The following PHKA2 variants were observed in gnomAD, a reference collection of about 807,000 sequenced individuals.
PHKA2 encodes the protein phosphorylase b kinase regulatory subunit alpha, liver isoform.
PHKA2 carries 31 observed loss-of-function variants against 102.0 expected under a neutral mutation model. The ratio of observed to expected loss-of-function variants is 0.30; its 90% CI spans 0.23 to 0.41. PHKA2 has a LOEUF of 0.41. PHKA2 is among the 10% of genes least tolerant of loss of function. PHKA2 has a pLI of 1.00. For synonymous variants in PHKA2, 455 were observed against 416.2 expected (o/e 1.09, Z -1.13); for missense variants, 858 against 1,023.1 (o/e 0.84, Z 2.20).
intron 1 of PHKA2, 47 bp downstream of exon 1, chrX:18,983,799 AATGAGTTAC>A (rs1380517894): frequency 2.0e-6 from 2 of 988,181 alleles, no homozygotes; most frequent in Non-Finnish European, 2.9e-6. Context: ...TGGGAAGGAG[AATGAGTTAC>A]ATGAGAGGGT....
chrX:18,917,821 A>G (rs750323642), intron 19 of PHKA2, among the ~76,000 whole-genome samples: 3 of 110,720 alleles, frequency 2.7e-5, no homozygotes, highest in South Asian at 7.7e-4. Context: ...AGCACCTCAG[A>G]CACTGAGGGC....
At position 18,950,975 on chromosome X, in the gene PHKA2, T is replaced by C. The variant is rs948864756; in HGVS notation, c.454+129A>G. 3 of 662,881 alleles carry C rather than the reference T, an allele frequency of 4.5e-6. No individual in the cohort carries two copies. In the African/African-American group the frequency reaches 6.5e-5, roughly 14 times the overall value. 54.6% of individuals were successfully genotyped at this position (662,881 alleles called of 1,213,427 possible). On this transcript the variant is annotated intron_variant, in intron 4 of 32. Coordinates refer to ENST00000379942, the MANE Select transcript of PHKA2 (RefSeq NM_000292.3). ...CATTTCGGTTCTGTATAAATGGCCT[T>C]GTCTGAGGTATTTTATTAAAGCAGT...
Position 18,983,962 on chromosome X carries a change from G to A in PHKA2, c.-30C>T. On this transcript the variant is annotated 5_prime_UTR_variant, in exon 1 of 33. Coordinates refer to ENST00000379942, the MANE Select transcript of PHKA2 (RefSeq NM_000292.3). Reference sequence around the variant, plus strand: ...CCGAGGCTCCCAGGCCGCAGCGCCCGATCTGCCGCGTGGGCGCGGGACGTC... The same window carrying A: ...CCGAGGCTCCCAGGCCGCAGCGCCCAATCTGCCGCGTGGGCGCGGGACGTC... 1 of 1,157,400 alleles carries A rather than the reference G, an allele frequency of 8.6e-7. No individual in the cohort carries two copies.
intron 13 of PHKA2, among the ~76,000 whole-genome samples, chrX:18,927,153 C>T (rs958971177): frequency 4.5e-5 from 5 of 111,600 alleles, no homozygotes; most frequent in African/African-American, 1.6e-4. Context: ...TCAGAACCCC[C>T]GCACAGGGCC....
intron 1 of PHKA2, among the ~76,000 whole-genome samples, chrX:18,964,167 A>T (rs1417768652): frequency 9.0e-6 from 1 of 110,914 alleles, no homozygotes; most frequent in Non-Finnish European, 1.9e-5. Flanking sequence ...GCCCCCAAGA[A>T]AACCTGAATT....
Position 18,951,156 on chromosome X carries a change from C to T in PHKA2, c.402G>A (p.Gln134=). 1.7e-6 allele frequency: 2 copies of T among 1,211,941 alleles called. No homozygotes were observed. Among genetic ancestry groups the T allele is most frequent in the Admixed American group, 4.3e-5 (2 of 46,081 alleles). The change falls in exon 4 of 33, where the codon CAG becomes CAA. Residue 134 remains glutamine (Q), a synonymous_variant. Transcript: ENST00000379942. The part of the protein sequence containing the change: ...VVGDDQWGHL[Q]VDATSLFLLF... ...GGAGGAAGAGAGAGGTGGCATCCAC[C>T]TGGAGGTGGCCCCACTGGTCGTCGC...
At chrX:18,940,735 G>A (rs763679025) in intron 8 of PHKA2, among the ~76,000 whole-genome samples, 21 of 111,852 alleles carry the variant, frequency 1.9e-4, no homozygotes, top group Non-Finnish European at 3.2e-4. Flanking sequence ...TCTCGCGAGG[G>A]TCATGGAGGC....
intron 1 of PHKA2, among the ~76,000 whole-genome samples, chrX:18,981,888 A>G (rs1024990176): frequency 2.7e-5 from 3 of 110,802 alleles, no homozygotes; most frequent in African/African-American, 9.9e-5. Flanking sequence ...TCCTCACTTT[A>G]CAGATGAGGG....
intron 2 of PHKA2, 75 bp downstream of exon 2, chrX:18,954,179 C>T: frequency 1.9e-6 from 2 of 1,047,947 alleles, no homozygotes; most frequent in Non-Finnish European, 2.7e-6. Flanking sequence ...GCACACACAG[C>T]TACTTCTCTG....
intron 26 of PHKA2, 74 bp downstream of exon 26, chrX:18,905,684 A>G: frequency 1.5e-6 from 1 of 683,864 alleles, no homozygotes; most frequent in East Asian, 3.2e-5. Flanking sequence ...TATGCCCCAC[A>G]GTGCTGGTTC....
Position 18,902,560 on chromosome X carries a change from G to A in PHKA2, c.2909-957C>T, listed in dbSNP as rs186106738. Among the ~76,000 whole-genome samples, 648 of 95,327 alleles carry A rather than the reference G, an allele frequency of 6.8e-3. 3 individuals are homozygous for A. The highest frequency in any genetic ancestry group is 0.024 in the African/African-American group (612 of 25,842). The allele number at this position is 95,327 out of a possible 115,157, so 82.8% of individuals were successfully genotyped here. On this transcript the variant is annotated intron_variant, in intron 26 of 32. Transcript: ENST00000379942. ...GCAGATCACCTGAGGCCGGGATTTCGAGACCAGCCTGACCAACATGGAAAA... is the reference window on the plus strand; with the variant it reads ...GCAGATCACCTGAGGCCGGGATTTCAAGACCAGCCTGACCAACATGGAAAA...
intron 1 of PHKA2, among the ~76,000 whole-genome samples, chrX:18,978,065 G>A (rs2049115076): frequency 9.0e-6 from 1 of 111,079 alleles, no homozygotes; most frequent in Non-Finnish European, 1.9e-5. Context: ...GCTGAGGCAG[G>A]AGAATTGCTT....
At chrX:18,975,080 A>G (rs1044603718) in intron 1 of PHKA2, among the ~76,000 whole-genome samples, 26 of 109,150 alleles carry the variant, frequency 2.4e-4, no homozygotes, top group African/African-American at 8.4e-4. Flanking sequence ...TCTAGCCCAG[A>G]CCTCTCCCCT....
chrX:18,924,075 C>T lies in PHKA2; in HGVS notation c.1774G>A (p.Gly592Arg). ...AATTACCTGGCTCCTCCAAAATATC[C>T]ATCCTCTAGTTTTCTAATTGTGGAG... The part of the protein sequence containing the change: ...VLSTIRKLED[G>R]YFGGARVKLG... Residue 592 changes from glycine (G) to arginine (R), a missense_variant, in exon 17 of 33, where the codon GGA becomes AGA. Physicochemically the swap from Gly to Arg is moderately radical, Grantham distance 125 (BLOSUM62 -2). Around this residue, in one of 2 missense-constraint regions of PHKA2, gnomAD observed 671 missense variants for 745.2 expected, o/e 0.90. Coordinates refer to ENST00000379942, the MANE Select transcript of PHKA2 (RefSeq NM_000292.3). 8.3e-7 allele frequency: 1 copy of T among 1,200,680 alleles called. No homozygotes were observed. Among genetic ancestry groups the T allele is most frequent in the Non-Finnish European group, 1.1e-6 (1 of 885,286 alleles).
rs1299004352 is a variant in PHKA2 at position 18,983,746 on chromosome X, A to G, written c.78+109T>C. On this transcript the variant is annotated intron_variant, in intron 1 of 32. Coordinates refer to ENST00000379942, the MANE Select transcript of PHKA2 (RefSeq NM_000292.3). ...CTAGCAAGGACTAGATTCAAATAGC[A>G]AACTCTTAATTGCAAGGTCTCAGGT... 1.0e-5 allele frequency: 7 copies of G among 672,492 alleles called. No individual in the cohort carries two copies. The Admixed American group carries it at 1.6e-4, about 15-fold the overall frequency. 55.4% of individuals were successfully genotyped at this position (672,492 alleles called of 1,213,427 possible). A position where few individuals can be genotyped will look rare whatever the true frequency, so the allele number is the denominator to read the frequency against.
At chrX:18,939,616 T>C (rs1334413252) in intron 9 of PHKA2, among the ~76,000 whole-genome samples, 4 of 112,101 alleles carry the variant, frequency 3.6e-5, no homozygotes, top group Admixed American at 2.8e-4. Context: ...GCCTCAGCCT[T>C]CTGAGTAGCT....
chrX:18,977,030 G>T (rs2049098939), intron 1 of PHKA2, among the ~76,000 whole-genome samples: 1 of 111,721 alleles, frequency 9.0e-6, no homozygotes, highest in Admixed American at 9.5e-5. Context: ...ATACATGTAA[G>T]GATATAAATT....
chrX:18,905,159 C>T (rs1601708048), intron 26 of PHKA2, among the ~76,000 whole-genome samples: 1 of 111,535 alleles, frequency 9.0e-6, no homozygotes, highest in East Asian at 2.9e-4. Context: ...CCCTGGCATT[C>T]GGGGTCCCCC....
intron 1 of PHKA2, 65 bp downstream of exon 1, chrX:18,983,790 G>T: frequency 1.1e-6 from 1 of 950,780 alleles, no homozygotes; most frequent in Non-Finnish European, 1.5e-6. Flanking sequence ...GGCCAGACCT[G>T]GGAAGGAGAA....
Sources: allele counts gnomAD v4.1 joint callset (sites outside exome capture counted in the v4.1 genomes callset), GRCh38; gene constraint gnomAD v4.1.1; regional missense constraint gnomAD v4.1.1; transcripts MANE v1.5; gene names NCBI Gene and HGNC (gene_info 2026-07-23, HGNC 2026-07-21).